Variants in GALNTL6 observed in about 807,000 individuals in gnomAD.
The protein encoded by GALNTL6 is polypeptide N-acetylgalactosaminyltransferase-like 6.
Under a neutral mutation model 73.7 loss-of-function variants are expected in GALNTL6, and 46 were observed. The ratio of observed to expected loss-of-function variants is 0.62; its 90% CI spans 0.49 to 0.80. GALNTL6 has a LOEUF of 0.80. Among genes scored for constraint, GALNTL6 ranks in the 30% least tolerant of loss-of-function variants. GALNTL6 has a pLI of 0.00. For missense variants in GALNTL6, 604 were observed against 755.0 expected (o/e 0.80, Z 2.34); for synonymous variants, 259 against 263.7 (o/e 0.98, Z 0.17).
At position 172,931,227 on chromosome 4, in the gene GALNTL6, T is replaced by C; in HGVS notation, c.1108T>C (p.Tyr370His). The change falls in exon 9 of 13, where the codon TAC becomes CAC. Residue 370 changes from tyrosine (Y) to histidine (H), a missense_variant. Physicochemically the swap from Tyr to His is moderately conservative, Grantham distance 83 (BLOSUM62 2). Coordinates refer to ENST00000506823, the MANE Select transcript of GALNTL6 (RefSeq NM_001034845.3). ...CSRVGHIYRK[Y>H]VPYKVPSGTS... ...TAGAGTTGGTCATATCTACAGGAAGTACGTTCCATACAAAGTTCCATCTGG... is the reference window on the plus strand; with the variant it reads ...TAGAGTTGGTCATATCTACAGGAAGCACGTTCCATACAAAGTTCCATCTGG... 6.2e-7 allele frequency: 1 copy of C among 1,611,820 alleles called. No individual in the cohort carries two copies. The highest frequency in any genetic ancestry group is 8.5e-7 in the Non-Finnish European group (1 of 1,177,906).
intron 9 of GALNTL6, among the ~76,000 whole-genome samples, chr4:172,937,991 A>G (rs1748709380): frequency 1.3e-5 from 2 of 152,192 alleles, no homozygotes; most frequent in Non-Finnish European, 2.9e-5. Context: ...AGGCTAATCT[A>G]CATACAAGTT....
At chr4:172,594,990 A>G (rs570988783) in intron 5 of GALNTL6, among the ~76,000 whole-genome samples, 2 of 152,294 alleles carry the variant, frequency 1.3e-5, no homozygotes, top group African/African-American at 4.8e-5. Context: ...AGTTCTGATG[A>G]GGGCCCTCTT....
intron 5 of GALNTL6, among the ~76,000 whole-genome samples, chr4:172,708,771 T>C (rs1004875104): frequency 4.6e-5 from 7 of 152,182 alleles, no homozygotes; most frequent in Admixed American, 2.0e-4. Flanking sequence ...ATATCATAAT[T>C]GTATATCTTC....
intron 2 of GALNTL6, among the ~76,000 whole-genome samples, chr4:172,227,620 T>TA (rs1242044248): frequency 6.6e-6 from 1 of 152,134 alleles, no homozygotes; most frequent in Non-Finnish European, 1.5e-5. Flanking sequence ...TTCCGTGCCA[T>TA]AAAAAAATAC....
chr4:172,794,241 T>C (rs1290783036), intron 5 of GALNTL6, among the ~76,000 whole-genome samples: 1 of 152,174 alleles, frequency 6.6e-6, no homozygotes, highest in Non-Finnish European at 1.5e-5. Flanking sequence ...CCTTCTAAAA[T>C]TTGGGGGAGC....
intron 5 of GALNTL6, among the ~76,000 whole-genome samples, chr4:172,728,964 T>G (rs559797101): frequency 2.6e-5 from 4 of 152,226 alleles, no homozygotes; most frequent in Admixed American, 1.3e-4. Context: ...ATATCTCTGA[T>G]GATTGAAGAT....
chr4:172,798,541 T>A (rs924007478), intron 5 of GALNTL6, among the ~76,000 whole-genome samples: 2 of 152,194 alleles, frequency 1.3e-5, no homozygotes, highest in Non-Finnish European at 2.9e-5. Flanking sequence ...GCTTCTTATA[T>A]AGCCTATGGA....
At chr4:171,874,209 G>A (rs1268135769) in intron 2 of GALNTL6, among the ~76,000 whole-genome samples, 2 of 151,992 alleles carry the variant, frequency 1.3e-5, no homozygotes, top group African/African-American at 4.8e-5. Context: ...TTTTTTGTTT[G>A]TTTGTCTGTT....
intron 5 of GALNTL6, among the ~76,000 whole-genome samples, chr4:172,481,406 G>C (rs914553150): frequency 6.6e-6 from 1 of 152,094 alleles, no homozygotes; most frequent in Non-Finnish European, 1.5e-5. Flanking sequence ...AGCTTCCACA[G>C]TGTGGAAGGG....
chr4:172,882,984 T>G, intron 8 of GALNTL6, 77 bp downstream of exon 8: 1 of 777,798 alleles, frequency 1.3e-6, no homozygotes. Context: ...TGTTGCTCTG[T>G]GACCTGTGTT....
rs190983397 is a variant in GALNTL6, at chr4:172,963,400, A to G, written c.1371+11142A>G. 1.0e-3 allele frequency among the ~76,000 whole-genome samples: 157 copies of G among 152,298 alleles called. 2 individuals carry two copies. Among genetic ancestry groups the G allele is most frequent in the South Asian group, 8.7e-3 (42 of 4,822 alleles). Reference sequence around the variant, plus strand: ...TTTTCTCCCTAGCATCCATCACTATATAACAAGCCATGTAATTTATTTTTT... The same window carrying G: ...TTTTCTCCCTAGCATCCATCACTATGTAACAAGCCATGTAATTTATTTTTT... On this transcript the variant is annotated intron_variant, in intron 10 of 12. Transcript: ENST00000506823.
intron 2 of GALNTL6, among the ~76,000 whole-genome samples, chr4:171,919,490 A>G (rs953037580): frequency 6.6e-6 from 1 of 152,080 alleles, no homozygotes; most frequent in African/African-American, 2.4e-5. Context: ...GCGGGTCCCA[A>G]TAGTTTGCAT....
At chr4:171,958,333 C>A (rs549605717) in intron 2 of GALNTL6, among the ~76,000 whole-genome samples, 4 of 152,244 alleles carry the variant, frequency 2.6e-5, no homozygotes, top group South Asian at 2.1e-4. Context: ...ATACACAAGT[C>A]TTTTTCTATA....
At chr4:172,310,408 T>C (rs184389331) in intron 3 of GALNTL6, among the ~76,000 whole-genome samples, 1 of 152,206 alleles carries the variant, frequency 6.6e-6, no homozygotes, top group African/African-American at 2.4e-5. Flanking sequence ...GTAGCTGAGA[T>C]TGCAGGTGTG....
At chr4:172,209,443 CAAAA>C (rs35780511) in intron 2 of GALNTL6, among the ~76,000 whole-genome samples, 4 of 135,172 alleles carry the variant, frequency 3.0e-5, no homozygotes, top group Non-Finnish European at 4.8e-5. Context: ...GGTCTCTGGT[CAAAA>C]AAAAAAAAAA....
chr4:172,281,891 T>A (rs1739073650), intron 3 of GALNTL6, among the ~76,000 whole-genome samples: 1 of 152,130 alleles, frequency 6.6e-6, no homozygotes, highest in African/African-American at 2.4e-5. Flanking sequence ...ATTATTAGAT[T>A]GTTTCTAAAC....
intron 8 of GALNTL6, among the ~76,000 whole-genome samples, chr4:172,905,886 T>C (rs1194806595): frequency 1.4e-5 from 2 of 140,194 alleles, no homozygotes; most frequent in African/African-American, 5.4e-5. Flanking sequence ...TTAACAAAAC[T>C]GGAATCTTAC....
intron 3 of GALNTL6, among the ~76,000 whole-genome samples, chr4:172,292,448 C>G (rs1739509035): frequency 2.6e-5 from 4 of 152,048 alleles, no homozygotes; most frequent in Admixed American, 2.6e-4. Context: ...AATATTCATA[C>G]TGATACAATC....
chr4:172,858,931 C>A (rs1744250812), intron 7 of GALNTL6, among the ~76,000 whole-genome samples: 1 of 151,098 alleles, frequency 6.6e-6, no homozygotes, highest in Non-Finnish European at 1.5e-5. Context: ...ACAAACCCAT[C>A]TCCATGAAAT....
Sources: gnomAD v4.1 joint callset for allele counts (sites outside exome capture counted in the v4.1 genomes callset) on GRCh38, gnomAD v4.1.1 for gene constraint, MANE v1.5 for transcripts, NCBI Gene and HGNC (gene_info 2026-07-23, HGNC 2026-07-21) for gene names.